Variants in ADARB2 observed in about 807,000 individuals in gnomAD.
ADARB2 encodes inactive double-stranded RNA-specific editase B2.
ADARB2 carries 25 observed loss-of-function variants against 62.2 expected under a neutral mutation model. The ratio of observed to expected loss-of-function variants is 0.40; its 90% confidence interval spans 0.29 to 0.56. The LOEUF is 0.56. Among genes scored for constraint, ADARB2 ranks in the 20% least tolerant of loss-of-function variants. The probability of loss-of-function intolerance (pLI) is 0.43; values close to 1 mark genes in which losing one functional copy is unlikely to be tolerated. For synonymous variants in ADARB2, 572 were observed against 500.8 expected (o/e 1.14, Z -1.90); for missense variants, 1,071 against 1,077.4 (o/e 0.99, Z 0.08).
chr10:1,677,732 G>A (rs1038542678), intron 1 of ADARB2, among the ~76,000 whole-genome samples: 1 of 152,170 alleles, frequency 6.6e-6, no homozygotes, highest in Non-Finnish European at 1.5e-5. Context: ...ACAGAGGGGA[G>A]CAGCTGTGCC....
intron 1 of ADARB2, among the ~76,000 whole-genome samples, chr10:1,573,310 A>T (rs796975600): frequency 3.3e-5 from 5 of 152,282 alleles, no homozygotes; most frequent in African/African-American, 7.2e-5. Context: ...AACTGTGCTC[A>T]GGTTGCAACT....
chr10:1,467,865 C>T (rs979589670), intron 1 of ADARB2, among the ~76,000 whole-genome samples: 1 of 152,204 alleles, frequency 6.6e-6, no homozygotes, highest in Non-Finnish European at 1.5e-5. Flanking sequence ...CTGTGTCCCT[C>T]TTCCTGAAAC....
At position 1,737,188 on chromosome 10, in the gene ADARB2, TCCTGCA is replaced by T; in HGVS notation, c.-44_-39del. The T allele has an allele frequency of 6.3e-7, 1 of 1,590,900 alleles. No individual in the cohort carries two copies. On this transcript the variant is annotated 5_prime_UTR_variant, in exon 1 of 10. Coordinates refer to ENST00000381312, the MANE Select transcript of ADARB2 (RefSeq NM_018702.4). The stretch of plus-strand genomic sequence containing the variant: ...GGCGCGGAGCCCAGAGCCGCCTCCC[TCCTGCA>T]CCTGCACCTGCCTCCTTCCCGGCAG...
chr10:1,211,085 GCTCC>G lies in ADARB2; in HGVS notation c.1682+5862_1682+5865del, dbSNP rs372826274. Among the ~76,000 whole-genome samples, 288 of 151,998 alleles carry G rather than the reference GCTCC, an allele frequency of 1.9e-3. 1 individual carries two copies. Among genetic ancestry groups the G allele is most frequent in the African/African-American group, 5.9e-3 (243 of 41,452 alleles). On this transcript the variant is annotated intron_variant, in intron 7 of 9. Coordinates refer to ENST00000381312, the MANE Select transcript of ADARB2 (RefSeq NM_018702.4). ...TCCTGCTGTGGCTCAGCCTCCCATC[GCTCC>G]CTCCCTCCCTCCCTCCTATCTATCT...
intron 1 of ADARB2, among the ~76,000 whole-genome samples, chr10:1,499,179 TC>T (rs1291713979): frequency 6.6e-6 from 1 of 151,548 alleles, no homozygotes; most frequent in African/African-American, 2.4e-5. Flanking sequence ...CATCATTCAC[TC>T]ATCACTAATC....
intron 1 of ADARB2, among the ~76,000 whole-genome samples, chr10:1,479,773 A>G (rs976179588): frequency 6.6e-6 from 1 of 152,198 alleles, no homozygotes; most frequent in African/African-American, 2.4e-5. Context: ...AGCTGAGAAC[A>G]ATGATTTACA....
chr10:1,463,413 A>G (rs1047961395), intron 1 of ADARB2, among the ~76,000 whole-genome samples: 19 of 152,318 alleles, frequency 1.2e-4, no homozygotes, highest in Non-Finnish European at 2.2e-4. Flanking sequence ...GTCCTGGTCC[A>G]TGATGCAGAT....
chr10:1,504,619 G>A (rs1831813012), intron 1 of ADARB2, among the ~76,000 whole-genome samples: 1 of 152,198 alleles, frequency 6.6e-6, no homozygotes, highest in Non-Finnish European at 1.5e-5. Flanking sequence ...CTGCTTGGCT[G>A]ACTACACGGG....
At chr10:1,663,778 C>A (rs1418029472) in intron 1 of ADARB2, among the ~76,000 whole-genome samples, 2 of 152,084 alleles carry the variant, frequency 1.3e-5, no homozygotes, top group African/African-American at 2.4e-5. Flanking sequence ...TGCTACCATG[C>A]CTGGCTAATT....
intron 1 of ADARB2, among the ~76,000 whole-genome samples, chr10:1,666,761 T>G (rs1313897720): frequency 1.3e-5 from 2 of 152,192 alleles, no homozygotes; most frequent in African/African-American, 4.8e-5. Context: ...GGCTCTGACA[T>G]GTTTAACTTA....
intron 1 of ADARB2, among the ~76,000 whole-genome samples, chr10:1,655,250 G>T (rs555987211): frequency 6.6e-6 from 1 of 152,180 alleles, no homozygotes; most frequent in East Asian, 1.9e-4. Flanking sequence ...TAGAACAGAG[G>T]GGGTGTTGAT....
chr10:1,700,375 G>A (rs1461140526), intron 1 of ADARB2, among the ~76,000 whole-genome samples: 1 of 5,390 alleles, frequency 1.9e-4, no homozygotes, highest in Non-Finnish European at 9.5e-4. Context: ...CCAGGCGCTC[G>A]CCAATACACT....
chr10:1,368,854 A>G (rs76966424), intron 2 of ADARB2, among the ~76,000 whole-genome samples: 1,150 of 28,836 alleles, frequency 0.04, 214 homozygotes, highest in South Asian at 0.076. Context: ...TGAGGGTGGG[A>G]GCCGAGCTCG....
intron 8 of ADARB2, chr10:1,186,509 C>G (rs558398704): frequency 1.9e-6 from 1 of 519,080 alleles, no homozygotes; most frequent in Middle Eastern, 3.2e-4. Context: ...CTACCTGACG[C>G]GTTCCCCAAG....
At chr10:1,627,016 G>A (rs372337471) in intron 1 of ADARB2, among the ~76,000 whole-genome samples, 1 of 151,482 alleles carries the variant, frequency 6.6e-6, no homozygotes. Flanking sequence ...CCTTTTCCCC[G>A]GGCCCCGGCG....
rs1183592479 is a variant in ADARB2, at chr10:1,630,517, G to A, written c.100+106534C>T. Among the ~76,000 whole-genome samples the A allele has an allele frequency of 4.6e-5, 7 of 152,204 alleles. No individual in the cohort carries two copies. In the East Asian group the frequency reaches 7.7e-4, roughly 17 times the overall value. On this transcript the variant is annotated intron_variant, in intron 1 of 9. Transcript: ENST00000381312. ...CATTTACATTTCAGTCTCTACCCTC[G>A]CTCAGCTCTTGGGTCTCCCATGGTG...
intron 3 of ADARB2, among the ~76,000 whole-genome samples, chr10:1,273,251 G>A (rs2805560): frequency 0.36 from 55,111 of 152,054 alleles, 10,191 homozygotes; most frequent in South Asian, 0.53. Context: ...AAGGGAGAGC[G>A]TGATTCTTAA....
chr10:1,601,945 A>G (rs1564343629), intron 1 of ADARB2, among the ~76,000 whole-genome samples: 1 of 152,200 alleles, frequency 6.6e-6, no homozygotes, highest in Non-Finnish European at 1.5e-5. Flanking sequence ...AGCAGAATTC[A>G]TGGACGTTCT....
chr10:1,582,590 T>A lies in ADARB2; in HGVS notation c.100+154461A>T, dbSNP rs938694. ...ACCACTTCCATTGCAATTGCCACCA[T>A]GTTTGAATGCAATGGGTGCACCAAG... On this transcript the variant is annotated intron_variant, in intron 1 of 9. Coordinates refer to ENST00000381312, the MANE Select transcript of ADARB2 (RefSeq NM_018702.4). 6.5e-3 allele frequency among the ~76,000 whole-genome samples: 991 copies of A among 152,316 alleles called. 6 individuals are homozygous for A. The highest frequency in any genetic ancestry group is 0.023 in the African/African-American group (951 of 41,578).
Sources: allele counts gnomAD v4.1 joint callset (sites outside exome capture counted in the v4.1 genomes callset), GRCh38; gene constraint gnomAD v4.1.1; transcripts MANE v1.5; gene names NCBI Gene and HGNC (gene_info 2026-07-23, HGNC 2026-07-21).